Variants in USP25 observed in about 807,000 individuals in gnomAD.
The protein encoded by USP25 is ubiquitin specific peptidase 25, also known as ubiquitin carboxyl-terminal hydrolase 25.
In USP25, 85 loss-of-function variants were observed where a neutral mutation model predicts 158.5. That is an observed-to-expected ratio of 0.54 (90% confidence interval 0.45 to 0.64). USP25 has a LOEUF of 0.64. USP25 is among the 30% of genes least tolerant of loss of function. The probability of loss-of-function intolerance (pLI) is 0.00; values close to 1 mark genes in which losing one functional copy is unlikely to be tolerated. For missense variants in USP25, 1,242 were observed against 1,327.3 expected (o/e 0.94, Z 1.00); for synonymous variants, 464 against 460.4 (o/e 1.01, Z -0.10).
chr21:15,760,864 A>G (rs917796851), intron 1 of USP25, among the ~76,000 whole-genome samples: 1 of 152,158 alleles, frequency 6.6e-6, no homozygotes, highest in Non-Finnish European at 1.5e-5. Flanking sequence ...CTCTTACTAT[A>G]CTGGAGTTAT....
chr21:15,753,705 A>G (rs768043942), intron 1 of USP25, among the ~76,000 whole-genome samples: 87 of 105,396 alleles, frequency 8.3e-4, no homozygotes, highest in African/African-American at 1.8e-3. Context: ...TATGAGAGGG[A>G]AAAAAAAAAA....
Position 15,845,797 on chromosome 21 carries a change from A to G in USP25, c.2338-1866A>G, listed in dbSNP as rs551263580. 5.7e-3 allele frequency among the ~76,000 whole-genome samples: 872 copies of G among 152,262 alleles called. 5 individuals are homozygous for G. The highest frequency in any genetic ancestry group is 0.022 in the South Asian group (107 of 4,820). On this transcript the variant is annotated intron_variant, in intron 18 of 25. Coordinates refer to ENST00000400183, the MANE Select transcript of USP25 (RefSeq NM_001283041.3). The stretch of plus-strand genomic sequence containing the variant: ...TCACTCTTGTGTACAGAGACCTAGC[A>G]CAGTTCGTCTCTTATATGCTAGAAA...
rs2040060347 is a variant in USP25, at chr21:15,875,368, G to C, written c.3009+842G>C. 6.6e-6 allele frequency among the ~76,000 whole-genome samples: 1 copy of C among 152,034 alleles called. No homozygotes were observed. The highest frequency in any genetic ancestry group is 2.1e-4 in the South Asian group (1 of 4,830). Reference sequence around the variant, plus strand: ...TTTTGTAGTAACCCAGCCACATTTGGTTATTTGTTTTACATAGGAATTGAA... The same window carrying C: ...TTTTGTAGTAACCCAGCCACATTTGCTTATTTGTTTTACATAGGAATTGAA... On this transcript the variant is annotated intron_variant, in intron 24 of 25. Transcript: ENST00000400183. This position sits in a 1 kb window ranked among gnomAD's most constrained non-coding sequence, Gnocchi z 4.7.
At chr21:15,841,729 G>A (rs1049366366) in intron 17 of USP25, among the ~76,000 whole-genome samples, 8 of 152,168 alleles carry the variant, frequency 5.3e-5, no homozygotes, top group Admixed American at 2.6e-4. Flanking sequence ...CATGGAGACA[G>A]AGACTGGCTG....
chr21:15,747,256 A>T (rs1178900794), intron 1 of USP25, among the ~76,000 whole-genome samples: 1 of 152,140 alleles, frequency 6.6e-6, no homozygotes, highest in Non-Finnish European at 1.5e-5. Context: ...CCCCCAGTGG[A>T]TGCCTGAAAC....
intron 20 of USP25, among the ~76,000 whole-genome samples, chr21:15,852,836 C>T (rs2038947500): frequency 6.6e-6 from 1 of 152,030 alleles, no homozygotes; most frequent in Admixed American, 6.6e-5. Context: ...TTGCACCTAT[C>T]TGTGATTGAG....
intron 1 of USP25, among the ~76,000 whole-genome samples, chr21:15,742,402 A>G (rs752133414): frequency 3.3e-4 from 50 of 152,232 alleles, no homozygotes; most frequent in Non-Finnish European, 3.5e-4. Flanking sequence ...GTTGAAACCA[A>G]CTGTGCATTC....
chr21:15,840,035 T>C (rs1428056361), intron 17 of USP25, among the ~76,000 whole-genome samples: 2 of 152,142 alleles, frequency 1.3e-5, no homozygotes, highest in African/African-American at 4.8e-5. Context: ...ATTATGTTCT[T>C]CTCTATTGTA....
At chr21:15,756,390 C>T (rs564454349) in intron 1 of USP25, among the ~76,000 whole-genome samples, 2 of 152,198 alleles carry the variant, frequency 1.3e-5, no homozygotes, top group South Asian at 4.2e-4. Context: ...AGCCAGAATG[C>T]CATACTTTGG....
chr21:15,793,032 A>G (rs2035677065), intron 5 of USP25, among the ~76,000 whole-genome samples: 1 of 151,612 alleles, frequency 6.6e-6, no homozygotes, highest in Non-Finnish European at 1.5e-5. Context: ...CTATCTATTA[A>G]GAAGGTTTGT....
At chr21:15,861,351 A>T (rs1261218133) in intron 20 of USP25, among the ~76,000 whole-genome samples, 1 of 152,198 alleles carries the variant, frequency 6.6e-6, no homozygotes, top group Non-Finnish European at 1.5e-5. Flanking sequence ...AAGTTAAAAA[A>T]GTTAAAAAAA....
At chr21:15,730,778 T>C (rs2030752801) in intron 1 of USP25, among the ~76,000 whole-genome samples, 1 of 152,202 alleles carries the variant, frequency 6.6e-6, no homozygotes, top group Admixed American at 6.5e-5. Context: ...AAAGAATAGC[T>C]AGTTGTCATC....
intron 1 of USP25, among the ~76,000 whole-genome samples, chr21:15,750,470 TCCA>T (rs2032919834): frequency 6.6e-6 from 1 of 151,558 alleles, no homozygotes; most frequent in African/African-American, 2.4e-5. Flanking sequence ...CCTCAGGTGA[TCCA>T]CCCGCGAAAG....
intron 1 of USP25, among the ~76,000 whole-genome samples, chr21:15,740,232 T>G (rs184727024): frequency 3.9e-5 from 6 of 152,374 alleles, no homozygotes; most frequent in East Asian, 1.9e-4. Flanking sequence ...AATCGCAGAT[T>G]ATTCTTCTGC....
chr21:15,838,993 A>T (rs184525102), intron 17 of USP25, among the ~76,000 whole-genome samples: 28 of 152,318 alleles, frequency 1.8e-4, no homozygotes, highest in African/African-American at 6.0e-4. Flanking sequence ...CTAGAGAAGC[A>T]TGGCCGGAAA....
intron 1 of USP25, among the ~76,000 whole-genome samples, chr21:15,731,553 A>T (rs773880718): frequency 5.9e-5 from 9 of 152,246 alleles, no homozygotes; most frequent in Non-Finnish European, 1.0e-4. Flanking sequence ...TTTTGCTTTG[A>T]GATTATTTTT....
chr21:15,759,456 C>CATGTA (rs2033596961), intron 1 of USP25, among the ~76,000 whole-genome samples: 1 of 152,086 alleles, frequency 6.6e-6, no homozygotes, highest in Non-Finnish European at 1.5e-5. Context: ...CATAATATAT[C>CATGTA]AGTCAATTCA....
intron 25 of USP25, 80 bp downstream of exon 25, chr21:15,878,071 AT>A: frequency 8.5e-7 from 1 of 1,173,208 alleles, no homozygotes; most frequent in African/African-American, 1.6e-5. Context: ...TATTCTTGCC[AT>A]TTTTTATATT....
chr21:15,842,818 T>C (rs1365134075), intron 18 of USP25, among the ~76,000 whole-genome samples: 1 of 152,188 alleles, frequency 6.6e-6, no homozygotes, highest in Non-Finnish European at 1.5e-5. Flanking sequence ...ATCTGGAACT[T>C]AAAAAGAGAA....
Sources: allele counts gnomAD v4.1 joint callset (sites outside exome capture counted in the v4.1 genomes callset), GRCh38; gene constraint gnomAD v4.1.1; non-coding constraint Gnocchi (gnomAD v3.1); transcripts MANE v1.5; gene names NCBI Gene and HGNC (gene_info 2026-07-23, HGNC 2026-07-21).